Variants in RYR3 observed in about 807,000 individuals in gnomAD.
The protein encoded by RYR3 is brain ryanodine receptor-calcium release channel.
In RYR3, 207 loss-of-function variants were observed where a neutral mutation model predicts 584.3. That is an observed-to-expected ratio of 0.35 (90% CI 0.32 to 0.40). The LOEUF (loss-of-function observed/expected upper bound fraction) is 0.40. Among genes scored for constraint, RYR3 ranks in the 10% least tolerant of loss-of-function variants. The probability of loss-of-function intolerance (pLI) is 1.00; values close to 1 mark genes in which losing one functional copy is unlikely to be tolerated. For missense variants in RYR3, 5,616 were observed against 6,089.2 expected, an observed-to-expected ratio of 0.92 and a Z score of 2.59; for synonymous variants, 2,416 against 2,248.5, an observed-to-expected ratio of 1.07 and a Z score of -2.11.
At chr15:33,735,057 C>A (rs536851998) in intron 48 of RYR3, among the ~76,000 whole-genome samples, 1 of 152,180 alleles carries the variant, frequency 6.6e-6, no homozygotes, top group East Asian at 1.9e-4. Context: ...ACTTTTAGAG[C>A]TTTTCTTCTT....
At chr15:33,788,110 G>C in intron 66 of RYR3, 108 bp from the exon 67 acceptor site, 1 of 1,354,600 alleles carries the variant, frequency 7.4e-7, no homozygotes, top group South Asian at 1.3e-5. Context: ...AGGGGCAGGT[G>C]CCATCCTGAG....
At chr15:33,776,112 C>T (rs951349120) in intron 64 of RYR3, among the ~76,000 whole-genome samples, 1 of 152,138 alleles carries the variant, frequency 6.6e-6, no homozygotes, top group Non-Finnish European at 1.5e-5. Context: ...GACTGATGAA[C>T]GTATGTAAGG....
At chr15:33,796,171 G>T (rs1208123525) in intron 67 of RYR3, among the ~76,000 whole-genome samples, 1 of 152,136 alleles carries the variant, frequency 6.6e-6, no homozygotes, top group East Asian at 1.9e-4. Flanking sequence ...GTCTCGCTCT[G>T]TCGCCCAGGC....
rs181312967 is a variant in RYR3 at position 33,555,806 on chromosome 15, C to T, written c.972+5490C>T. On this transcript the variant is annotated intron_variant, in intron 10 of 103. Transcript: ENST00000634891. Reference sequence around the variant, plus strand: ...GACTTCTGCTGAAGAAATATGCCTTCCCCAATAAGGCAGATGAATCTGCTT... The same window carrying T: ...GACTTCTGCTGAAGAAATATGCCTTTCCCAATAAGGCAGATGAATCTGCTT... Among the ~76,000 whole-genome samples the T allele has an allele frequency of 7.9e-4, 121 of 152,264 alleles. No homozygotes were observed. In the East Asian group the frequency reaches 0.016, roughly 21 times the overall value.
chr15:33,623,129 C>G (rs1364903223), intron 19 of RYR3, among the ~76,000 whole-genome samples: 1 of 152,194 alleles, frequency 6.6e-6, no homozygotes, highest in African/African-American at 2.4e-5. Flanking sequence ...GAGGATGATA[C>G]TAAGAAAGAC....
At chr15:33,652,350 G>T (rs2062528965) in intron 31 of RYR3, among the ~76,000 whole-genome samples, 1 of 152,208 alleles carries the variant, frequency 6.6e-6, no homozygotes, top group African/African-American at 2.4e-5. Context: ...CCCCATATAA[G>T]TTTGCCGAAG....
intron 38 of RYR3, among the ~76,000 whole-genome samples, chr15:33,684,756 G>A (rs2064872123): frequency 6.6e-6 from 1 of 152,214 alleles, no homozygotes; most frequent in African/African-American, 2.4e-5. Context: ...GGATCTCTCA[G>A]CAGAAACCCT....
chr15:33,732,415 T>C (rs1040975177), intron 48 of RYR3, among the ~76,000 whole-genome samples: 2 of 148,164 alleles, frequency 1.3e-5, no homozygotes, highest in Non-Finnish European at 3.0e-5. Context: ...GACCTACCTC[T>C]AGGCCTCCCA....
At chr15:33,783,370 C>T (rs989151092) in intron 65 of RYR3, among the ~76,000 whole-genome samples, 4 of 152,240 alleles carry the variant, frequency 2.6e-5, no homozygotes, top group African/African-American at 9.6e-5. Context: ...TAAGAGGACA[C>T]AGCTGAGGCT....
chr15:33,646,338 G>A lies in RYR3; in HGVS notation c.3766-13G>A, dbSNP rs202013532. 422 of 1,588,680 alleles carry A rather than the reference G, an allele frequency of 2.7e-4. No individual in the cohort carries two copies. Among genetic ancestry groups the A allele is most frequent in the African/African-American group, 2.3e-3 (169 of 74,712 alleles). On this transcript the variant is annotated splice_polypyrimidine_tract_variant and intron_variant, in intron 28 of 103. Coordinates refer to ENST00000634891, the MANE Select transcript of RYR3 (RefSeq NM_001036.6). ...CTTTGGTATGTCAAGGTAAGGACTC[G>A]TCCTGTTTCCAGGTCATGAGGATTG...
At position 33,477,173 on chromosome 15, in the gene RYR3, G is replaced by A. The variant is rs201624562; in HGVS notation, c.171+3635G>A. 3.5e-4 allele frequency among the ~76,000 whole-genome samples: 53 copies of A among 152,224 alleles called. No individual in the cohort carries two copies. In the East Asian group the frequency reaches 9.9e-3, roughly 28 times the overall value. ...TTCTCAGCTGGCTACAGAGCCTACC[G>A]GTGACCTTGGGCATTTCTAGTCAAG... On this transcript the variant is annotated intron_variant, in intron 2 of 103. Coordinates refer to ENST00000634891, the MANE Select transcript of RYR3 (RefSeq NM_001036.6).
intron 38 of RYR3, among the ~76,000 whole-genome samples, chr15:33,674,998 A>G (rs1026294388): frequency 3.3e-5 from 5 of 152,026 alleles, no homozygotes; most frequent in Non-Finnish European, 7.4e-5. Context: ...GGGAGGCTGA[A>G]GCAGGAGAAT....
intron 38 of RYR3, among the ~76,000 whole-genome samples, chr15:33,680,687 A>G (rs1388069187): frequency 6.6e-6 from 1 of 152,190 alleles, no homozygotes; most frequent in Admixed American, 6.5e-5. Context: ...CTATTTTTGA[A>G]ATAAGTTTGG....
chr15:33,792,089 A>G (rs144458347), intron 67 of RYR3, among the ~76,000 whole-genome samples: 6 of 152,306 alleles, frequency 3.9e-5, no homozygotes, highest in South Asian at 4.2e-4. Flanking sequence ...AAACACATAT[A>G]TTGAAGTCAC....
chr15:33,527,758 A>G (rs1228953594), intron 3 of RYR3, among the ~76,000 whole-genome samples: 8 of 152,198 alleles, frequency 5.3e-5, no homozygotes, highest in Non-Finnish European at 1.0e-4. Context: ...TGAGCAAGAA[A>G]GTAACATGAT....
chr15:33,565,437 A>G (rs1326382189), intron 11 of RYR3, among the ~76,000 whole-genome samples: 1 of 152,220 alleles, frequency 6.6e-6, no homozygotes, highest in East Asian at 1.9e-4. Flanking sequence ...TCAAAAATGA[A>G]CAAGCCGGTA....
intron 1 of RYR3, among the ~76,000 whole-genome samples, chr15:33,317,789 A>T (rs938944055): frequency 3.9e-5 from 6 of 152,174 alleles, no homozygotes; most frequent in African/African-American, 1.4e-4. Context: ...CCTCTGGCTT[A>T]GAGTACATTG....
At chr15:33,629,774 T>C in intron 21 of RYR3, 166 bp from the exon 22 acceptor site, 2 of 546,168 alleles carry the variant, frequency 3.7e-6, no homozygotes, top group South Asian at 5.4e-5. Context: ...ACTGTGTGTC[T>C]CATTGACTAG....
In RYR3 at chr15:33,838,448, C is replaced by A; in HGVS notation, c.12468C>A (p.Phe4156Leu). The change falls in exon 89 of 104, where the codon TTC becomes TTA. Residue 4156 changes from phenylalanine (F) to leucine (L), a missense_variant. This residue lies in a region of RYR3 where 918 missense variants were observed against 887.4 expected (regional missense o/e 1.03). Coordinates refer to ENST00000634891, the MANE Select transcript of RYR3 (RefSeq NM_001036.6). ...CTGTGAAGAGGAATGTCACCGACTT[C>A]CTGAAGAGAGCAACCCTGAAGAACC... is the stretch of plus-strand genomic sequence containing the variant. ...CASVKRNVTD[F>L]LKRATLKNLR... 1 of 1,613,992 alleles carries A rather than the reference C, an allele frequency of 6.2e-7. No homozygotes were observed. The highest frequency in any genetic ancestry group is 8.5e-7 in the Non-Finnish European group (1 of 1,179,894).
Sources: gnomAD v4.1 joint callset for allele counts (sites outside exome capture counted in the v4.1 genomes callset) on GRCh38, gnomAD v4.1.1 for gene constraint, gnomAD v4.1.1 regional missense constraint, MANE v1.5 for transcripts, NCBI Gene and HGNC (gene_info 2026-07-23, HGNC 2026-07-21) for gene names.